Variants in MMP16 observed in about 807,000 individuals in gnomAD.
MMP16 encodes matrix metalloproteinase-16.
MMP16 carries 12 observed loss-of-function variants against 67.8 expected under a neutral mutation model. The ratio of observed to expected loss-of-function variants is 0.18; its 90% CI spans 0.11 to 0.29. MMP16 has a LOEUF of 0.29. Ranked by LOEUF, MMP16 falls within the 10% of genes least tolerant of loss-of-function variation. The probability of loss-of-function intolerance (pLI) is 1.00; values close to 1 mark genes in which losing one functional copy is unlikely to be tolerated. For missense variants in MMP16, 475 were observed against 765.7 expected, an observed-to-expected ratio of 0.62 and a Z score of 4.48; for synonymous variants, 249 against 255.9, an observed-to-expected ratio of 0.97 and a Z score of 0.26.
intron 1 of MMP16, among the ~76,000 whole-genome samples, chr8:88,271,706 G>A (rs143010686): frequency 6.6e-6 from 1 of 152,268 alleles, no homozygotes. Flanking sequence ...TTCAGATAAA[G>A]TATTTTAGTA....
chr8:88,197,386 A>C, intron 1 of MMP16, 80 bp from the exon 2 acceptor site: 1 of 1,255,648 alleles, frequency 8.0e-7, no homozygotes, highest in Non-Finnish European at 1.1e-6. Flanking sequence ...TATATCTATA[A>C]TAGAGTTTTG....
In MMP16 at chr8:88,041,473, T is replaced by C. The variant is rs1288303616; in HGVS notation, c.1812A>G (p.Gln604=). The C allele has an allele frequency of 6.2e-7, 1 of 1,613,362 alleles. No homozygotes were observed. The highest frequency in any genetic ancestry group is 2.2e-5 in the East Asian group (1 of 44,860). The part of the protein sequence containing the change: ...RHILYCKRSM[Q]EWV ...AAAAAACCCTACATCACACCCACTC[T>C]TGCATAGAGCGTTTACAGTACAGTA... Residue 604 remains glutamine (Q), a synonymous_variant, in exon 10 of 10, where the codon CAA becomes CAG. Transcript: ENST00000286614. This position sits in a 1 kb window ranked among gnomAD's most constrained non-coding sequence, Gnocchi z 6.0.
intron 3 of MMP16, among the ~76,000 whole-genome samples, chr8:88,175,530 T>C (rs751604295): frequency 6.6e-6 from 1 of 152,210 alleles, no homozygotes; most frequent in African/African-American, 2.4e-5. Flanking sequence ...TAACTCTCCA[T>C]AGTCTTGTCA....
chr8:88,104,747 T>C (rs1809207619), intron 6 of MMP16, among the ~76,000 whole-genome samples: 1 of 151,538 alleles, frequency 6.6e-6, no homozygotes, highest in South Asian at 2.1e-4. Flanking sequence ...CGGGAGGTAT[T>C]CCACTGAAGG....
At chr8:88,047,676 T>C (rs1808215681) in intron 8 of MMP16, among the ~76,000 whole-genome samples, 1 of 152,136 alleles carries the variant, frequency 6.6e-6, no homozygotes, top group Non-Finnish European at 1.5e-5. Flanking sequence ...TGTGGAGACA[T>C]GGTGAGAGTA....
At chr8:88,173,570 G>A (rs541755964) in intron 3 of MMP16, among the ~76,000 whole-genome samples, 30 of 151,946 alleles carry the variant, frequency 2.0e-4, no homozygotes, top group Admixed American at 3.9e-4. Context: ...AATGATTATC[G>A]GTTAAATAGA....
intron 3 of MMP16, among the ~76,000 whole-genome samples, chr8:88,177,319 G>T (rs982511452): frequency 6.6e-6 from 1 of 152,090 alleles, no homozygotes; most frequent in Admixed American, 6.5e-5. Context: ...GAAATAAAAC[G>T]GAATAAATTG....
At chr8:88,054,408 G>A (rs1041601717) in intron 8 of MMP16, among the ~76,000 whole-genome samples, 1 of 152,182 alleles carries the variant, frequency 6.6e-6, no homozygotes, top group Non-Finnish European at 1.5e-5. Context: ...TAAAGAATAT[G>A]TTATAAGTCT....
At chr8:88,106,047 T>TTATGTATATA (rs1274539972) in intron 6 of MMP16, among the ~76,000 whole-genome samples, 7 of 39,686 alleles carry the variant, frequency 1.8e-4, no homozygotes, top group African/African-American at 5.1e-4. Flanking sequence ...TATTTACACG[T>TTATGTATATA]TATGTATATA....
At chr8:88,127,807 T>C (rs1262292013) in intron 4 of MMP16, among the ~76,000 whole-genome samples, 1 of 151,884 alleles carries the variant, frequency 6.6e-6, no homozygotes, top group East Asian at 1.9e-4. Flanking sequence ...TTATAAAATG[T>C]TTCATACATT....
chr8:88,245,174 A>G (rs1228235299), intron 1 of MMP16, among the ~76,000 whole-genome samples: 1 of 152,184 alleles, frequency 6.6e-6, no homozygotes, highest in African/African-American at 2.4e-5. Flanking sequence ...ATACGCGAAT[A>G]TTGGAATTGA....
intron 3 of MMP16, among the ~76,000 whole-genome samples, chr8:88,185,194 C>A (rs1809054289): frequency 6.6e-6 from 1 of 152,142 alleles, no homozygotes; most frequent in Non-Finnish European, 1.5e-5. Context: ...CATGGTAGGT[C>A]ATGCCTGTAA....
At chr8:88,102,870 A>T (rs551483702) in intron 6 of MMP16, among the ~76,000 whole-genome samples, 111 of 151,962 alleles carry the variant, frequency 7.3e-4, no homozygotes, top group Non-Finnish European at 1.2e-3. Flanking sequence ...CCTTTTGGGA[A>T]TGGGACTCTT....
intron 1 of MMP16, among the ~76,000 whole-genome samples, chr8:88,205,317 C>CT (rs1171941886): frequency 6.6e-6 from 1 of 152,052 alleles, no homozygotes; most frequent in Non-Finnish European, 1.5e-5. Flanking sequence ...AGCTGTCTGT[C>CT]TGTATGCTGG....
At chr8:88,243,020 C>T (rs1378083739) in intron 1 of MMP16, among the ~76,000 whole-genome samples, 1 of 151,862 alleles carries the variant, frequency 6.6e-6, no homozygotes, top group African/African-American at 2.4e-5. Context: ...AAAGAAATGC[C>T]CTATAATCTC....
intron 1 of MMP16, among the ~76,000 whole-genome samples, chr8:88,232,000 A>G (rs1809866980): frequency 6.6e-6 from 1 of 152,126 alleles, no homozygotes; most frequent in South Asian, 2.1e-4. Flanking sequence ...ATATTTTAAA[A>G]TTCTGAGTTC....
At chr8:88,246,808 A>G (rs1810120012) in intron 1 of MMP16, among the ~76,000 whole-genome samples, 1 of 152,176 alleles carries the variant, frequency 6.6e-6, no homozygotes, top group East Asian at 1.9e-4. Flanking sequence ...GTGGTGATTA[A>G]AATCAAGTAA....
chr8:88,235,576 C>G (rs775193524), intron 1 of MMP16, among the ~76,000 whole-genome samples: 1 of 151,950 alleles, frequency 6.6e-6, no homozygotes, highest in African/African-American at 2.4e-5. Flanking sequence ...CCTAGTAGAT[C>G]CTACTAGTAA....
intron 2 of MMP16, 61 bp downstream of exon 2, chr8:88,197,097 T>C: frequency 6.6e-7 from 1 of 1,523,628 alleles, no homozygotes; most frequent in Non-Finnish European, 8.8e-7. Context: ...TATAAAGTTT[T>C]CCAGACTACT....
Sources: gnomAD v4.1 joint callset for allele counts (sites outside exome capture counted in the v4.1 genomes callset) on GRCh38, gnomAD v4.1.1 for gene constraint, Gnocchi (gnomAD v3.1) non-coding constraint, MANE v1.5 for transcripts, NCBI Gene and HGNC (gene_info 2026-07-23, HGNC 2026-07-21) for gene names.